The following FAM184A variants were observed in gnomAD, a reference collection of about 807,000 sequenced individuals.
The protein encoded by FAM184A is family with sequence similarity 184 member A, also known as protein FAM184A.
A neutral mutation model predicts 143.8 loss-of-function variants in FAM184A; 99 were observed. The ratio of observed to expected loss-of-function variants is 0.69; its 90% CI spans 0.58 to 0.81. The LOEUF is 0.81. Ranked by LOEUF, FAM184A falls within the 40% of genes least tolerant of loss-of-function variation. The pLI, the probability that FAM184A is intolerant of heterozygous loss-of-function variation, is 0.00. For synonymous variants in FAM184A, 427 were observed against 446.4 expected (o/e 0.96, Z 0.55); for missense variants, 1,217 against 1,310.5 (o/e 0.93, Z 1.10).
chr6:119,117,680 A>T (rs891229446), intron 1 of FAM184A, among the ~76,000 whole-genome samples: 1 of 152,188 alleles, frequency 6.6e-6, no homozygotes, highest in Non-Finnish European at 1.5e-5. Context: ...ATACAGTAGG[A>T]TTATCATTTT....
At chr6:118,985,680 C>T (rs1400032681) in intron 9 of FAM184A, among the ~76,000 whole-genome samples, 1 of 152,134 alleles carries the variant, frequency 6.6e-6, no homozygotes, top group East Asian at 1.9e-4. Flanking sequence ...ATGGAAATCC[C>T]TGGAAGGTAA....
intron 9 of FAM184A, among the ~76,000 whole-genome samples, chr6:118,987,218 A>G (rs905044219): frequency 5.9e-5 from 9 of 152,192 alleles, no homozygotes; most frequent in African/African-American, 1.9e-4. Context: ...ATTCGTTTAC[A>G]TACTGTCTAT....
At chr6:119,119,387 A>G (rs1317065055) in intron 1 of FAM184A, among the ~76,000 whole-genome samples, 1 of 152,230 alleles carries the variant, frequency 6.6e-6, no homozygotes, top group Admixed American at 6.5e-5. Flanking sequence ...GGGGCATCAC[A>G]GAAACTACCG....
chr6:119,090,895 G>T (rs918909179), intron 1 of FAM184A, among the ~76,000 whole-genome samples: 2 of 152,160 alleles, frequency 1.3e-5, no homozygotes, highest in African/African-American at 4.8e-5. Flanking sequence ...CAGTGCTTTT[G>T]CCAGGTATGA....
chr6:118,972,851 G>A (rs955206443), intron 14 of FAM184A, among the ~76,000 whole-genome samples: 1 of 152,122 alleles, frequency 6.6e-6, no homozygotes, highest in Non-Finnish European at 1.5e-5. Flanking sequence ...ACTGAGGCCA[G>A]GAAAAAGGAC....
intron 14 of FAM184A, among the ~76,000 whole-genome samples, chr6:118,968,293 T>C (rs147500940): frequency 2.4e-4 from 36 of 152,346 alleles, no homozygotes; most frequent in African/African-American, 8.7e-4. Context: ...AAAAATCTTA[T>C]CATGCTTTAA....
chr6:118,979,602 GTTATTAT>G, intron 10 of FAM184A, 84 bp from the exon 11 acceptor site: 1 of 1,014,118 alleles, frequency 9.9e-7, no homozygotes, highest in Non-Finnish European at 1.4e-6. Flanking sequence ...CTAAAACTCA[GTTATTAT>G]TTAAGAAATA....
At chr6:119,054,085 GAA>G (rs35713549) in intron 1 of FAM184A, among the ~76,000 whole-genome samples, 69 of 151,164 alleles carry the variant, frequency 4.6e-4, no homozygotes, top group Admixed American at 9.9e-4. Context: ...ATCCTTTAGA[GAA>G]AAAAAAAAAT....
upstream of FAM184A, among the ~76,000 whole-genome samples, chr6:119,080,897 C>T (rs1003489389): frequency 2.6e-5 from 4 of 152,062 alleles, no homozygotes; most frequent in Non-Finnish European, 4.4e-5. Flanking sequence ...TTCTGAAGGC[C>T]GTACAGGAAT....
intron 4 of FAM184A, among the ~76,000 whole-genome samples, chr6:119,017,704 C>A (rs1785309738): frequency 6.6e-6 from 1 of 152,082 alleles, no homozygotes. Context: ...GGGATGTTGA[C>A]ACAGGTTTGG....
At chr6:118,984,067 T>C (rs1784103106) in intron 9 of FAM184A, among the ~76,000 whole-genome samples, 1 of 148,658 alleles carries the variant, frequency 6.7e-6, no homozygotes, top group Admixed American at 6.7e-5. Flanking sequence ...GGAGAATCAC[T>C]TGAACCCGGG....
intron 9 of FAM184A, among the ~76,000 whole-genome samples, chr6:118,984,570 C>T (rs1365697584): frequency 6.6e-6 from 1 of 152,136 alleles, no homozygotes; most frequent in Non-Finnish European, 1.5e-5. Flanking sequence ...AACATCAAAT[C>T]TGAGGTACTG....
rs145049976 is a variant in FAM184A at position 119,009,258 on chromosome 6, G to C, written c.1653+2051C>G. ...CCGTTTTTTCTGGTGATATGGTTTG[G>C]CTGTGTCCCCACCCAAATCTCATCT... On this transcript the variant is annotated intron_variant, in intron 6 of 17. Coordinates refer to ENST00000338891, the MANE Select transcript of FAM184A (RefSeq NM_024581.6). Among the ~76,000 whole-genome samples, 563 of 152,228 alleles carry C rather than the reference G, an allele frequency of 3.7e-3. 5 individuals are homozygous for C. The highest frequency in any genetic ancestry group is 0.013 in the African/African-American group (538 of 41,552).
At chr6:119,108,541 C>T (rs982714470) in intron 1 of FAM184A, among the ~76,000 whole-genome samples, 2 of 152,080 alleles carry the variant, frequency 1.3e-5, no homozygotes, top group Non-Finnish European at 2.9e-5. Flanking sequence ...CTCTTAAAAA[C>T]TTTTTCTTGA....
intron 9 of FAM184A, among the ~76,000 whole-genome samples, chr6:118,992,855 A>G (rs1292615769): frequency 1.3e-5 from 2 of 152,188 alleles, no homozygotes; most frequent in Non-Finnish European, 2.9e-5. Context: ...ACTTGAGCCC[A>G]GGGGGTCAAG....
In FAM184A at chr6:118,961,934, T is replaced by G; in HGVS notation, c.3168A>C (p.Thr1056=). Residue 1056 remains threonine (T), a synonymous_variant, in exon 17 of 18, where the codon ACA becomes ACC. Transcript: ENST00000338891. ...GATTGGGAACACTCACAAACCTGTT[T>G]GTTGGTGATTTATCATTCTTCTTCT... ...KQKKKNDKSP[T]NRFVSVPNLS... is the part of the protein sequence containing the mutation. The G allele has an allele frequency of 6.2e-7, 1 of 1,613,926 alleles. No homozygotes were observed. The highest frequency in any genetic ancestry group is 8.5e-7 in the Non-Finnish European group (1 of 1,179,850).
intron 1 of FAM184A, among the ~76,000 whole-genome samples, chr6:119,040,216 G>A (rs999622773): frequency 2.2e-4 from 33 of 152,258 alleles, no homozygotes; most frequent in African/African-American, 7.2e-4. Flanking sequence ...CTTCTGAGGA[G>A]GCAAAGACTG....
intron 1 of FAM184A, among the ~76,000 whole-genome samples, chr6:119,098,579 C>T (rs923884515): frequency 3.9e-5 from 6 of 152,110 alleles, no homozygotes; most frequent in African/African-American, 1.4e-4. Flanking sequence ...TGTTATGGGT[C>T]ATAGGTAGAT....
Position 119,100,883 on chromosome 6 carries a change from C to T in FAM184A, c.-202+48195G>A, listed in dbSNP as rs181786035. ...CTGAGGCAGGAGAATCGCTTAAACGCGGAAGGGGGCAGTTGCAGTGAGCTG... is the reference window on the plus strand; with the variant it reads ...CTGAGGCAGGAGAATCGCTTAAACGTGGAAGGGGGCAGTTGCAGTGAGCTG... On this transcript the variant is annotated intron_variant, in intron 1 of 16. Coordinates refer to the FAM184A transcript ENST00000352896. 1.7e-4 allele frequency among the ~76,000 whole-genome samples: 26 copies of T among 150,396 alleles called. No homozygotes were observed. The Middle Eastern group carries it at 0.02, about 118-fold the overall frequency.
Sources: allele counts gnomAD v4.1 joint callset (sites outside exome capture counted in the v4.1 genomes callset), GRCh38; gene constraint gnomAD v4.1.1; transcripts MANE v1.5; gene names NCBI Gene and HGNC (gene_info 2026-07-23, HGNC 2026-07-21).